MAEL: variants seen among roughly 807,000 people sequenced by gnomAD.
MAEL encodes the protein protein maelstrom homolog.
MAEL carries 46 observed loss-of-function variants against 62.0 expected under a neutral mutation model. The observed-to-expected ratio is 0.74, with a 90% confidence interval of 0.59 to 0.95. The LOEUF (loss-of-function observed/expected upper bound fraction) is 0.95, where lower values mean the gene tolerates loss of function less well. MAEL is among the 40% of genes least tolerant of loss of function. MAEL has a pLI of 0.00. For synonymous variants in MAEL, 172 were observed against 175.5 expected (o/e 0.98, Z 0.16); for missense variants, 497 against 526.8 (o/e 0.94, Z 0.55).
intron 8 of MAEL, chr1:167,005,900 AT>A (rs1369075799): frequency 2.0e-5 from 3 of 152,456 alleles, no homozygotes; most frequent in Non-Finnish European, 4.4e-5. Context: ...AGTTGCTATC[AT>A]TATGCCTCTT....
chr1:166,998,207 TG>T (rs1171880611), intron 5 of MAEL, among the ~76,000 whole-genome samples: 1 of 152,256 alleles, frequency 6.6e-6, no homozygotes, highest in Non-Finnish European at 1.5e-5. Context: ...TAGGTCATTT[TG>T]GAGAAAACTG....
chr1:166,991,988 A>G (rs1664194627), intron 3 of MAEL, among the ~76,000 whole-genome samples: 1 of 152,200 alleles, frequency 6.6e-6, no homozygotes, highest in Non-Finnish European at 1.5e-5. Context: ...TATAATTATT[A>G]TTTGTCAATT....
intron 2 of MAEL, chr1:166,990,221 G>A (rs1360154049): frequency 6.4e-6 from 1 of 155,346 alleles, no homozygotes; most frequent in Non-Finnish European, 1.4e-5. Context: ...CTTAAAACTA[G>A]TTTAGACCAT....
In MAEL at chr1:167,021,793, A is replaced by C; in HGVS notation, c.1243A>C (p.Thr415Pro). The change falls in exon 12 of 12, where the codon ACT (threonine) becomes CCT (proline). Residue 415 changes from threonine (T) to proline (P), a missense_variant. By Grantham distance (38) the Thr-to-Pro change is conservative. Transcript: ENST00000367872. ...SNIHKFSNCD[T>P]SLSPYMSQKD... is the part of the protein sequence containing the mutation. ...TATCCACAAATTCTCCAACTGTGAC[A>C]CTTCACTCTCACCTTACATGTCCCA... 2 of 1,603,774 alleles carry C rather than the reference A, an allele frequency of 1.2e-6. No individual in the cohort carries two copies. The highest frequency in any genetic ancestry group is 1.7e-6 in the Non-Finnish European group (2 of 1,170,790).
At chr1:166,996,978 C>T (rs1664453118) in intron 5 of MAEL, among the ~76,000 whole-genome samples, 2 of 152,300 alleles carry the variant, frequency 1.3e-5, no homozygotes, top group South Asian at 4.1e-4. Flanking sequence ...AGGTGTGCAT[C>T]ACCATGCCCG....
intron 4 of MAEL, among the ~76,000 whole-genome samples, chr1:166,993,418 G>A (rs1444952544): frequency 6.6e-6 from 1 of 152,170 alleles, no homozygotes; most frequent in Non-Finnish European, 1.5e-5. Context: ...GAAGACATAG[G>A]ATTTGATACC....
intron 3 of MAEL, among the ~76,000 whole-genome samples, 168 bp from the exon 4 acceptor site, chr1:166,992,513 ATTTCT>A (rs527530640): frequency 3.3e-5 from 5 of 152,118 alleles, no homozygotes; most frequent in Non-Finnish European, 5.9e-5. Context: ...AAGAATTTTG[ATTTCT>A]TTATTTGGTA....
chr1:166,986,512 T>G (rs1294656440), upstream of MAEL, among the ~76,000 whole-genome samples: 21 of 152,190 alleles, frequency 1.4e-4, no homozygotes, highest in Admixed American at 1.4e-3. Context: ...TGAATACCTA[T>G]TAGCTGTAAA....
chr1:167,021,840 C>A lies in MAEL; in HGVS notation c.1290C>A (p.Phe430Leu). 6.2e-7 allele frequency: 1 copy of A among 1,605,812 alleles called. No homozygotes were observed. The highest frequency in any genetic ancestry group is 8.5e-7 in the Non-Finnish European group (1 of 1,174,576). ...YMSQKDGYKS[F>L]SSLS Reference sequence around the variant, plus strand: ...CCCAAAAAGATGGATACAAATCTTTCTCTTCCTTATCTTAATGATGGTACT... The same window carrying A: ...CCCAAAAAGATGGATACAAATCTTTATCTTCCTTATCTTAATGATGGTACT... The change falls in exon 12 of 12, where the codon TTC becomes TTA. Residue 430 changes from phenylalanine to leucine, a missense_variant. By Grantham distance (22) the Phe-to-Leu change is conservative. Coordinates refer to ENST00000367872, the MANE Select transcript of MAEL (RefSeq NM_032858.3).
At chr1:166,985,032 C>G (rs377674080), upstream of MAEL, among the ~76,000 whole-genome samples, 10 of 152,264 alleles carry the variant, frequency 6.6e-5, 1 homozygote, top group East Asian at 1.2e-3. Flanking sequence ...TACTTTTGCA[C>G]CAACCTAATA....
chr1:167,017,963 A>G lies in MAEL; in HGVS notation c.1041+4A>G. 6.2e-7 allele frequency: 1 copy of G among 1,612,496 alleles called. No individual in the cohort carries two copies. The highest frequency in any genetic ancestry group is 1.1e-5 in the South Asian group (1 of 90,842). Reference sequence around the variant, plus strand: ...ATTGGATGCAGGGCGTTACCAGGTAAGGAACTGACTTTTAAGAGCTGCTGG... The same window carrying G: ...ATTGGATGCAGGGCGTTACCAGGTAGGGAACTGACTTTTAAGAGCTGCTGG... On this transcript the variant is annotated splice_donor_region_variant and intron_variant, in intron 10 of 11. Transcript: ENST00000367872.
At chr1:167,021,268 T>G in intron 11 of MAEL, 108 bp downstream of exon 11, 1 of 782,342 alleles carries the variant, frequency 1.3e-6, no homozygotes, top group East Asian at 2.6e-5. Context: ...CTTTAGGATA[T>G]AAGAAGCTTG....
intron 10 of MAEL, among the ~76,000 whole-genome samples, 184 bp from the exon 11 acceptor site, chr1:167,020,901 C>T (rs995439497): frequency 6.6e-6 from 1 of 151,890 alleles, no homozygotes; most frequent in Non-Finnish European, 1.5e-5. Flanking sequence ...CCCTATACTT[C>T]GTAATCTCCC....
chr1:166,989,342 A>C lies in MAEL; in HGVS notation c.-11A>C, dbSNP rs781121832. 6.2e-7 allele frequency: 1 copy of C among 1,606,468 alleles called. No individual in the cohort carries two copies. Among genetic ancestry groups the C allele is most frequent in the Non-Finnish European group, 8.5e-7 (1 of 1,176,764 alleles). On this transcript the variant is annotated 5_prime_UTR_variant, in exon 1 of 12. Transcript: ENST00000367872. ...GTTCTGTCTGAGGCCAGGAAGTTTG[A>C]CCGCGCTGCCATGCCGAACCGTAAG... is the stretch of plus-strand genomic sequence containing the variant.
chr1:166,999,736 C>G (rs1664582250), intron 5 of MAEL, among the ~76,000 whole-genome samples: 1 of 152,204 alleles, frequency 6.6e-6, no homozygotes, highest in Non-Finnish European at 1.5e-5. Flanking sequence ...CAGTGCCTGG[C>G]TTCACAGGAC....
chr1:166,989,294 C>G lies in MAEL; in HGVS notation c.-59C>G, dbSNP rs538139762. 2 of 1,559,530 alleles carry G rather than the reference C, an allele frequency of 1.3e-6. No homozygotes were observed. The highest frequency in any genetic ancestry group is 1.4e-5 in the African/African-American group (1 of 74,020). On this transcript the variant is annotated 5_prime_UTR_variant, in exon 1 of 12. Transcript: ENST00000367872. ...CTACCTCTGTTACTTAGGGCGGGAG[C>G]CCGGCGAGGGCGCCGGTGCTTTGTT...
chr1:166,978,897 G>C (rs1176161424), intron 1 of MAEL, among the ~76,000 whole-genome samples: 8 of 152,172 alleles, frequency 5.3e-5, no homozygotes, highest in African/African-American at 1.9e-4. Flanking sequence ...ACCTGTATGG[G>C]ACCAGAACAA....
chr1:167,019,644 C>T (rs1049462824), intron 10 of MAEL, among the ~76,000 whole-genome samples: 1 of 152,146 alleles, frequency 6.6e-6, no homozygotes, highest in Non-Finnish European at 1.5e-5. Flanking sequence ...TTTGCTTCTT[C>T]ATGTGTCATA....
intron 8 of MAEL, among the ~76,000 whole-genome samples, chr1:167,008,197 G>A (rs1257075908): frequency 1.3e-5 from 2 of 152,030 alleles, no homozygotes; most frequent in Non-Finnish European, 2.9e-5. Flanking sequence ...CTACTTTTGT[G>A]TCTTTCAAAT....
Sources: gnomAD v4.1 joint callset for allele counts (sites outside exome capture counted in the v4.1 genomes callset) on GRCh38, gnomAD v4.1.1 for gene constraint, MANE v1.5 for transcripts, NCBI Gene and HGNC (gene_info 2026-07-23, HGNC 2026-07-21) for gene names.